MNAT1: variants seen among roughly 807,000 people sequenced by gnomAD.
MNAT1 encodes the protein CDK-activating kinase assembly factor MAT1.
A neutral mutation model predicts 42.0 loss-of-function variants in MNAT1; 43 were observed. That is an observed-to-expected ratio of 1.02 (90% CI 0.80 to 1.32). The LOEUF (loss-of-function observed/expected upper bound fraction) is 1.32, where lower values mean the gene tolerates loss of function less well. Ranked by LOEUF, MNAT1 falls within the 40% of genes most tolerant of loss-of-function variation. The pLI is 0.00. For missense variants in MNAT1, 306 were observed against 350.4 expected (o/e 0.87, Z 1.01); for synonymous variants, 118 against 120.0 (o/e 0.98, Z 0.11).
intron 6 of MNAT1, among the ~76,000 whole-genome samples, chr14:60,845,311 A>AT (rs910305959): frequency 7.3e-5 from 11 of 151,266 alleles, no homozygotes; most frequent in Non-Finnish European, 1.3e-4. Context: ...GCTTTTCTCT[A>AT]TTTTTTTTAG....
intron 7 of MNAT1, among the ~76,000 whole-genome samples, chr14:60,884,359 C>T (rs2034615866): frequency 6.6e-6 from 1 of 152,028 alleles, no homozygotes; most frequent in African/African-American, 2.4e-5. Flanking sequence ...TATGATATAT[C>T]ATATTGATTG....
At chr14:60,869,083 G>A (rs2034272680) in intron 6 of MNAT1, among the ~76,000 whole-genome samples, 1 of 138,992 alleles carries the variant, frequency 7.2e-6, no homozygotes, top group South Asian at 2.2e-4. Flanking sequence ...TCTGTTGCCA[G>A]GCTGGAGTGC....
chr14:60,889,251 GA>G (rs1322685100), intron 7 of MNAT1, among the ~76,000 whole-genome samples: 4 of 152,036 alleles, frequency 2.6e-5, no homozygotes, highest in Middle Eastern at 3.2e-3. Flanking sequence ...CCAAAACAGA[GA>G]TATAGATCAA....
At chr14:60,942,237 T>G (rs1278047495) in intron 7 of MNAT1, among the ~76,000 whole-genome samples, 1 of 150,600 alleles carries the variant, frequency 6.6e-6, no homozygotes, top group Non-Finnish European at 1.5e-5. Context: ...CATCTATCTT[T>G]ATTTAACCAT....
At chr14:60,917,898 G>A (rs1214724700) in intron 7 of MNAT1, among the ~76,000 whole-genome samples, 6 of 152,096 alleles carry the variant, frequency 3.9e-5, no homozygotes, top group African/African-American at 1.2e-4. Flanking sequence ...AAAGTGCTGG[G>A]ATTATAGGCG....
intron 3 of MNAT1, among the ~76,000 whole-genome samples, chr14:60,802,964 G>C (rs1473626251): frequency 2.2e-5 from 3 of 138,410 alleles, no homozygotes; most frequent in East Asian, 4.1e-4. Flanking sequence ...ACGGAGTTTC[G>C]CTCTGTCGCC....
rs1043792335 is a variant in MNAT1, at chr14:60,830,760, T to G, written c.687+11913T>G. Among the ~76,000 whole-genome samples, 3 of 152,102 alleles carry G rather than the reference T, an allele frequency of 2.0e-5. No individual in the cohort carries two copies. In the East Asian group the frequency reaches 5.8e-4, roughly 29 times the overall value. ...TTGTTATATAATTCCTATACAATTT[T>G]TATTGCTATTTATTTTGGTCCTCAC... On this transcript the variant is annotated intron_variant, in intron 6 of 7. Transcript: ENST00000261245.
rs184778801 is a variant in MNAT1 at position 60,969,281 on chromosome 14, A to G, written c.*932A>G. On this transcript the variant is annotated 3_prime_UTR_variant, in exon 8 of 8. Transcript: ENST00000261245. ...TCTCAACCTTGTATGAGTCTGTTAC[A>G]TAGAGCATTGGATATGGGATATAGT... 87 of 152,294 alleles carry G rather than the reference A, an allele frequency of 5.7e-4. No individual in the cohort carries two copies. Among genetic ancestry groups the G allele is most frequent in the African/African-American group, 2.1e-3 (87 of 41,576 alleles). The allele number at this position is 152,294 out of a possible 1,614,324, so 9.4% of individuals were successfully genotyped here.
intron 1 of MNAT1, among the ~76,000 whole-genome samples, chr14:60,781,233 T>C (rs1192271267): frequency 2.0e-5 from 3 of 152,102 alleles, no homozygotes; most frequent in Non-Finnish European, 4.4e-5. Flanking sequence ...TTTTATAAAA[T>C]CAAGTTTTAA....
intron 6 of MNAT1, among the ~76,000 whole-genome samples, chr14:60,850,230 A>G (rs2033791614): frequency 6.6e-6 from 1 of 152,250 alleles, no homozygotes; most frequent in African/African-American, 2.4e-5. Context: ...TTTAGAAATT[A>G]GATCCACAAA....
At chr14:60,789,202 A>C (rs1324275719) in intron 1 of MNAT1, among the ~76,000 whole-genome samples, 1 of 152,074 alleles carries the variant, frequency 6.6e-6, no homozygotes, top group African/African-American at 2.4e-5. Context: ...GAAGAGGGAG[A>C]GAGTTGGAGG....
intron 7 of MNAT1, among the ~76,000 whole-genome samples, chr14:60,964,323 G>C (rs1455367166): frequency 2.0e-5 from 3 of 152,156 alleles, no homozygotes; most frequent in Admixed American, 2.0e-4. Context: ...GTTTGAAAGG[G>C]ATTTTGATGG....
chr14:60,819,035 T>C (rs996372729), intron 6 of MNAT1, among the ~76,000 whole-genome samples, 188 bp downstream of exon 6: 1 of 152,106 alleles, frequency 6.6e-6, no homozygotes, highest in African/African-American at 2.4e-5. Context: ...TTTCAGAGTA[T>C]ACAACACAAT....
chr14:60,744,750 G>A (rs187960918), intron 1 of MNAT1, among the ~76,000 whole-genome samples: 173 of 152,204 alleles, frequency 1.1e-3, no homozygotes, highest in Admixed American at 2.7e-3. Context: ...CTTGATTTTA[G>A]TCTTTGTTAG....
intron 1 of MNAT1, among the ~76,000 whole-genome samples, chr14:60,778,482 C>A (rs1359763034): frequency 6.6e-6 from 1 of 152,178 alleles, no homozygotes; most frequent in Non-Finnish European, 1.5e-5. Flanking sequence ...GACAGCATTT[C>A]TTCTAGTTTG....
chr14:60,805,399 A>T (rs943881954), intron 3 of MNAT1, among the ~76,000 whole-genome samples: 1 of 152,184 alleles, frequency 6.6e-6, no homozygotes, highest in Admixed American at 6.5e-5. Flanking sequence ...ATGAACCTAC[A>T]TTGAGATATC....
intron 6 of MNAT1, among the ~76,000 whole-genome samples, chr14:60,853,608 A>T (rs2033881167): frequency 6.6e-6 from 1 of 152,206 alleles, no homozygotes; most frequent in Admixed American, 6.5e-5. Flanking sequence ...GAGAGAGGGC[A>T]TCCTTGTCTT....
chr14:60,816,886 TTTG>T (rs2032732423), intron 5 of MNAT1, among the ~76,000 whole-genome samples: 1 of 152,146 alleles, frequency 6.6e-6, no homozygotes, highest in African/African-American at 2.4e-5. Context: ...CCTTAGAATG[TTTG>T]TTTTTATTAG....
At chr14:60,780,397 A>G (rs2031414792) in intron 1 of MNAT1, 1 of 1,567,006 alleles carries the variant, frequency 6.4e-7, no homozygotes, top group East Asian at 2.2e-5. Flanking sequence ...CTACAGTGAC[A>G]TTTCTGCCAC....
Sources: gnomAD v4.1 joint callset for allele counts (sites outside exome capture counted in the v4.1 genomes callset) on GRCh38, gnomAD v4.1.1 for gene constraint, MANE v1.5 for transcripts, NCBI Gene and HGNC (gene_info 2026-07-23, HGNC 2026-07-21) for gene names.